ZNF253: variants seen among roughly 807,000 people sequenced by gnomAD.
The protein encoded by ZNF253 is zinc finger protein 253, also known as DNA-binding protein.
Under a neutral mutation model 11.9 loss-of-function variants are expected in ZNF253, and 8 were observed. That is an observed-to-expected ratio of 0.67 (90% CI 0.40 to 1.22). The LOEUF (loss-of-function observed/expected upper bound fraction) is 1.22. Ranked by LOEUF, ZNF253 falls within the 50% of genes most tolerant of loss-of-function variation. The pLI is 0.01. For missense variants in ZNF253, 485 were observed against 586.9 expected (o/e 0.83, Z 1.79); for synonymous variants, 194 against 194.9 (o/e 1.00, Z 0.04).
chr19:19,879,701 T>C (rs552537174), intron 2 of ZNF253, among the ~76,000 whole-genome samples: 7 of 152,316 alleles, frequency 4.6e-5, no homozygotes, highest in African/African-American at 1.7e-4. Flanking sequence ...ATTGATCACA[T>C]GCTTTCACTT....
At chr19:19,877,065 T>C (rs2063158826) in intron 1 of ZNF253, among the ~76,000 whole-genome samples, 1 of 152,192 alleles carries the variant, frequency 6.6e-6, no homozygotes, top group Non-Finnish European at 1.5e-5. Context: ...TGGTCCTTAG[T>C]AAAGATGGAG....
In ZNF253 at chr19:19,883,371, C is replaced by T. The variant is rs116508345; in HGVS notation, c.226+3225C>T. Among the ~76,000 whole-genome samples, 874 of 152,022 alleles carry T rather than the reference C, an allele frequency of 5.7e-3. 10 individuals carry two copies. The highest frequency in any genetic ancestry group is 0.02 in the African/African-American group (835 of 41,446). ...TCTCATCTGTAATCCCAGGATTTTG[C>T]GAGGCCAAGGCAGGAGGATCCCTGG... On this transcript the variant is annotated intron_variant, in intron 3 of 3. Coordinates refer to ENST00000589717, the MANE Select transcript of ZNF253 (RefSeq NM_021047.3).
intron 1 of ZNF253, among the ~76,000 whole-genome samples, chr19:19,866,468 G>A (rs2063111402): frequency 1.3e-5 from 2 of 151,714 alleles, no homozygotes; most frequent in Admixed American, 1.3e-4. Context: ...CGTCCGACCT[G>A]ATCGCAAGAG....
intron 2 of ZNF253, among the ~76,000 whole-genome samples, chr19:19,879,427 GA>G (rs893668883): frequency 2.0e-4 from 30 of 151,848 alleles, no homozygotes; most frequent in African/African-American, 7.2e-4. Context: ...TTATGTTTTT[GA>G]AAAAAAGTTT....
At chr19:19,882,250 T>C (rs185316366) in intron 3 of ZNF253, among the ~76,000 whole-genome samples, 20 of 152,162 alleles carry the variant, frequency 1.3e-4, no homozygotes, top group Middle Eastern at 3.4e-3. Context: ...TAGTTTTGTA[T>C]TGGTATCTAA....
At chr19:19,880,253 G>C in intron 3 of ZNF253, 107 bp downstream of exon 3, 3 of 663,810 alleles carry the variant, frequency 4.5e-6, no homozygotes, top group Non-Finnish European at 7.1e-6. Flanking sequence ...TGTTCCAAAG[G>C]AAATAGGTCC....
chr19:19,878,466 G>A lies in ZNF253; in HGVS notation c.4-15G>A. On this transcript the variant is annotated splice_polypyrimidine_tract_variant and intron_variant, in intron 1 of 3. Coordinates refer to ENST00000589717, the MANE Select transcript of ZNF253 (RefSeq NM_021047.3). ...CATGCCATTTAGTAATTATGTGTGT[G>A]TGTGTGTTTTCCAGGGACCATTGCA... 1.2e-6 allele frequency: 2 copies of A among 1,613,742 alleles called. No individual in the cohort carries two copies. The highest frequency in any genetic ancestry group is 1.7e-6 in the Non-Finnish European group (2 of 1,179,866).
chr19:19,878,402 C>T (rs2063164127), intron 1 of ZNF253, 79 bp from the exon 2 acceptor site: 2 of 1,607,490 alleles, frequency 1.2e-6, no homozygotes, highest in Non-Finnish European at 1.7e-6. Flanking sequence ...GTTCTCTTTA[C>T]TCTCTAATTT....
chr19:19,878,058 C>T (rs895386156), intron 1 of ZNF253, among the ~76,000 whole-genome samples: 1 of 147,194 alleles, frequency 6.8e-6, no homozygotes, highest in Non-Finnish European at 1.5e-5. Context: ...AGACTTTATG[C>T]CAGATCTTCC....
In ZNF253 at chr19:19,893,092, C is replaced by A; in HGVS notation, c.*345C>A. The A allele has an allele frequency of 5.0e-6, 1 of 200,638 alleles. No homozygotes were observed. The highest frequency in any genetic ancestry group is 1.0e-5 in the Non-Finnish European group (1 of 99,164). The allele number at this position is 200,638 out of a possible 1,614,324, so 12.4% of individuals were successfully genotyped here. ...TCCTGGGTTTAAGCCATTCTTCTGC[C>A]TCAGCCTCCCAAGTAGCTGGGATTA... On this transcript the variant is annotated 3_prime_UTR_variant, in exon 4 of 4. Transcript: ENST00000589717.
intron 1 of ZNF253, among the ~76,000 whole-genome samples, chr19:19,867,137 T>C: frequency 6.6e-6 from 1 of 152,122 alleles, no homozygotes; most frequent in Admixed American, 6.5e-5. Flanking sequence ...GGTCAGGAGT[T>C]GAAGACCAGC....
intron 3 of ZNF253, among the ~76,000 whole-genome samples, chr19:19,885,308 TTCTTTC>T: frequency 1.8e-5 from 1 of 56,400 alleles, no homozygotes; most frequent in African/African-American, 1.8e-4. Flanking sequence ...TTTTCTTTCT[TTCTTTC>T]TTTCTTTCTT....
rs1460061687 is a variant in ZNF253 at position 19,891,893 on chromosome 19, A to C, written c.646A>C (p.Thr216Pro). The C allele has an allele frequency of 1.2e-6, 2 of 1,613,884 alleles. No homozygotes were observed. The highest frequency in any genetic ancestry group is 1.7e-6 in the Non-Finnish European group (2 of 1,180,000). ...GKAFNQSANL[T>P]THKRIHTGEK... Reference sequence around the variant, plus strand: ...AGCTTTTAACCAATCTGCAAACCTTACTACACATAAGAGAATTCATACCGG... The same window carrying C: ...AGCTTTTAACCAATCTGCAAACCTTCCTACACATAAGAGAATTCATACCGG... Residue 216 changes from threonine to proline, a missense_variant, in exon 4 of 4, where the codon ACT becomes CCT. Coordinates refer to ENST00000589717, the MANE Select transcript of ZNF253 (RefSeq NM_021047.3).
rs373070574 is a variant in ZNF253 at position 19,891,780 on chromosome 19, G to T, written c.533G>T (p.Gly178Val). ...AATCTTTTCAAATGTATAATATGTG[G>T]CAAAGCTTTTAAACGGTCCTCAACC... is the stretch of plus-strand genomic sequence containing the variant. ...GINLFKCIICGKAFKRSSTLT... is the reference protein window; with the variant it reads ...GINLFKCIICVKAFKRSSTLT... The change falls in exon 4 of 4, where the codon GGC becomes GTC. Residue 178 changes from glycine to valine, a missense_variant. Physicochemically the swap from Gly to Val is moderately radical, Grantham distance 109 (BLOSUM62 -3). This residue lies in a region of ZNF253 where 218 missense variants were observed against 213.1 expected (regional missense o/e 1.02). Coordinates refer to ENST00000589717, the MANE Select transcript of ZNF253 (RefSeq NM_021047.3). The T allele has an allele frequency of 1.9e-6, 3 of 1,614,062 alleles. No homozygotes were observed. The highest frequency in any genetic ancestry group is 2.5e-6 in the Non-Finnish European group (3 of 1,179,980).
At chr19:19,886,271 G>A (rs1388621592) in intron 3 of ZNF253, among the ~76,000 whole-genome samples, 1 of 152,136 alleles carries the variant, frequency 6.6e-6, no homozygotes, top group South Asian at 2.1e-4. Context: ...AGGATTATAG[G>A]CAAGAGCCAC....
intron 1 of ZNF253, among the ~76,000 whole-genome samples, chr19:19,872,455 T>A (rs2063137425): frequency 6.6e-6 from 1 of 150,760 alleles, no homozygotes; most frequent in African/African-American, 2.5e-5. Flanking sequence ...CTCCTCCCTT[T>A]GAACTATGTA....
At chr19:19,881,123 T>G (rs2063176175) in intron 3 of ZNF253, among the ~76,000 whole-genome samples, 1 of 149,552 alleles carries the variant, frequency 6.7e-6, no homozygotes, top group Non-Finnish European at 1.5e-5. Flanking sequence ...TGGCACTTTA[T>G]TAATATTTAT....
upstream of ZNF253, chr19:19,865,841 T>A (rs1163841578): frequency 8.2e-6 from 8 of 971,460 alleles, no homozygotes; most frequent in South Asian, 1.3e-5. Flanking sequence ...AACCACATGG[T>A]TTCTGGGGGC....
chr19:19,881,971 C>G (rs1389310353), intron 3 of ZNF253, among the ~76,000 whole-genome samples: 1 of 151,946 alleles, frequency 6.6e-6, no homozygotes, highest in African/African-American at 2.4e-5. Context: ...GGTGGATCAC[C>G]TGAGGTCAGG....
Sources: allele counts gnomAD v4.1 joint callset (sites outside exome capture counted in the v4.1 genomes callset), GRCh38; gene constraint gnomAD v4.1.1; regional missense constraint gnomAD v4.1.1; transcripts MANE v1.5; gene names NCBI Gene and HGNC (gene_info 2026-07-23, HGNC 2026-07-21).